Variants in SLC35B3 observed in about 807,000 individuals in gnomAD.
The protein encoded by SLC35B3 is solute carrier family 35 member B3.
SLC35B3 carries 35 observed loss-of-function variants against 44.1 expected under a neutral mutation model. The ratio of observed to expected loss-of-function variants is 0.79; its 90% confidence interval spans 0.61 to 1.05. The LOEUF is 1.05. SLC35B3 is among the 50% of genes least tolerant of loss of function. The probability of loss-of-function intolerance (pLI) is 0.00; values close to 1 mark genes in which losing one functional copy is unlikely to be tolerated. For synonymous variants in SLC35B3, 146 were observed against 167.3 expected, an observed-to-expected ratio of 0.87 and a Z score of 0.98; for missense variants, 414 against 476.4, an observed-to-expected ratio of 0.87 and a Z score of 1.22.
rs541750740 is a variant in SLC35B3, at chr6:8,433,589, T to A, written c.3+796A>T. On this transcript the variant is annotated intron_variant, in intron 2 of 10. Transcript: ENST00000644923. This position sits in a 1 kb window ranked among gnomAD's most constrained non-coding sequence, Gnocchi z 4.1. ...TTATGTGCTGCAGATCTAGGCCATA[T>A]GTGCAGAATGAAATCTCTCTAGCAC... 6.6e-6 allele frequency among the ~76,000 whole-genome samples: 1 copy of A among 152,312 alleles called. No homozygotes were observed. Among genetic ancestry groups the A allele is most frequent in the Middle Eastern group, 3.4e-3 (1 of 294 alleles).
intron 5 of SLC35B3, among the ~76,000 whole-genome samples, chr6:8,422,224 C>T (rs1320264832): frequency 1.3e-5 from 2 of 152,044 alleles, no homozygotes; most frequent in African/African-American, 2.4e-5. Context: ...AGGCTGGTCT[C>T]GAACTCCTGA....
Position 8,413,305 on chromosome 6 carries a change from C to T in SLC35B3, c.*244G>A. ...ATTCTCAATAAACTGCTAGGAATTA[C>T]AGTCCTTCATATTGACATTTTATTG... On this transcript the variant is annotated 3_prime_UTR_variant, in exon 11 of 11. Coordinates refer to ENST00000644923, the MANE Select transcript of SLC35B3 (RefSeq NM_001370476.2). 5.4e-6 allele frequency: 2 copies of T among 368,516 alleles called. No individual in the cohort carries two copies. Among genetic ancestry groups the T allele is most frequent in the East Asian group, 5.1e-5 (1 of 19,468 alleles). 22.8% of individuals were successfully genotyped at this position (368,516 alleles called of 1,614,324 possible).
At chr6:8,425,681 TAAAA>T (rs374026968) in intron 4 of SLC35B3, among the ~76,000 whole-genome samples, 2 of 151,146 alleles carry the variant, frequency 1.3e-5, no homozygotes, top group African/African-American at 4.9e-5. Flanking sequence ...ATTTTATGAT[TAAAA>T]AAAAAGCTGC....
In SLC35B3 at chr6:8,413,593, ATTTG is replaced by A. The variant is rs748374320; in HGVS notation, c.1158_1161del (p.Lys387GlnfsTer17). On this transcript the variant is annotated frameshift_variant, in exon 11 of 11. Transcript: ENST00000644923. LOFTEE classifies it high-confidence loss of function. ...GTCCTTGACTTTCTTGCTTCCACTGATTTGTTTATCAAATCATACAGTGATGGTA... is the reference window on the plus strand; with the variant it reads ...GTCCTTGACTTTCTTGCTTCCACTGATTTATCAAATCATACAGTGATGGTA... 24 of 1,609,462 alleles carry A rather than the reference ATTTG, an allele frequency of 1.5e-5. No homozygotes were observed. The highest frequency in any genetic ancestry group is 7.7e-5 in the South Asian group (7 of 90,694).
rs976638323 is a variant in SLC35B3 at position 8,413,209 on chromosome 6, C to T, written c.*340G>A. ...ATGAATATAAAACAATCTGCTATTA[C>T]GTATCGATTTCTTTGATAGGATATA... On this transcript the variant is annotated 3_prime_UTR_variant, in exon 11 of 11. Coordinates refer to ENST00000644923, the MANE Select transcript of SLC35B3 (RefSeq NM_001370476.2). The T allele has an allele frequency of 7.2e-5, 14 of 193,406 alleles. No homozygotes were observed. Among genetic ancestry groups the T allele is most frequent in the African/African-American group, 1.9e-4 (8 of 42,144 alleles). The allele number at this position is 193,406 out of a possible 1,614,324, so 12.0% of individuals were successfully genotyped here.
In SLC35B3 at chr6:8,430,122, T is replaced by TA. The variant is rs1255019896; in HGVS notation, c.38dup (p.Thr14AsnfsTer9). On this transcript the variant is annotated frameshift_variant, in exon 3 of 11. The change creates a premature stop within an existing upstream ORF in the 5' untranslated region. Transcript: ENST00000644923. LOFTEE classifies it high-confidence loss of function. ...TATTTTTGTTGGTTTCCTGGACTGT[T>TA]ATGTTCTGTATGTCTTTTGCTTGCT... 3.1e-6 allele frequency: 5 copies of TA among 1,601,802 alleles called. No individual in the cohort carries two copies. The Admixed American group carries it at 6.9e-5, about 22-fold the overall frequency.
intron 4 of SLC35B3, among the ~76,000 whole-genome samples, chr6:8,423,936 A>G (rs1763173877): frequency 6.6e-6 from 1 of 152,192 alleles, no homozygotes; most frequent in African/African-American, 2.4e-5. Context: ...CGCCAGGTAA[A>G]ATGATACAAG....
intron 10 of SLC35B3, among the ~76,000 whole-genome samples, chr6:8,413,987 C>T (rs545590183): frequency 6.6e-6 from 1 of 151,982 alleles, no homozygotes; most frequent in South Asian, 2.1e-4. Flanking sequence ...AAGTACAGTC[C>T]CCTACCAAAA....
intron 9 of SLC35B3, among the ~76,000 whole-genome samples, chr6:8,415,640 C>A (rs1431403047): frequency 6.6e-6 from 1 of 152,200 alleles, no homozygotes; most frequent in African/African-American, 2.4e-5. Context: ...TATTCCAAGA[C>A]TCTACAGTTC....
chr6:8,417,608 C>T (rs556264894), intron 7 of SLC35B3, 114 bp from the exon 7 acceptor site: 1 of 567,212 alleles, frequency 1.8e-6, no homozygotes, highest in East Asian at 3.2e-5. Flanking sequence ...TTAAAAGAAA[C>T]ATTATAATTT....
intron 2 of SLC35B3, among the ~76,000 whole-genome samples, chr6:8,431,176 A>T (rs1368271287): frequency 1.3e-5 from 2 of 152,230 alleles, no homozygotes; most frequent in Non-Finnish European, 2.9e-5. Context: ...AACTCCATGT[A>T]AAGACTGAGG....
Position 8,435,146 on chromosome 6 carries a change from G to C in SLC35B3, c.-44+197C>G, listed in dbSNP as rs752579078. 2.8e-5 allele frequency: 36 copies of C among 1,281,748 alleles called. No homozygotes were observed. The highest frequency in any genetic ancestry group is 4.6e-5 in the Admixed American group (2 of 43,096). 79.4% of individuals were successfully genotyped at this position (1,281,748 alleles called of 1,614,324 possible). A position where few individuals can be genotyped will look rare whatever the true frequency, so the allele number is the denominator to read the frequency against. ...CCGAGGGCGAAAAACGGGCGAGGAG[G>C]AACAGATGCTCCTCCCTGGAAACCG... On this transcript the variant is annotated intron_variant, in intron 1 of 10. Coordinates refer to ENST00000644923, the MANE Select transcript of SLC35B3 (RefSeq NM_001370476.2). The surrounding 1 kb of genome is among the most constrained non-coding windows in gnomAD (Gnocchi z 5.5).
chr6:8,416,423 A>G (rs1009963119), intron 9 of SLC35B3, among the ~76,000 whole-genome samples: 2 of 152,176 alleles, frequency 1.3e-5, no homozygotes, highest in Non-Finnish European at 2.9e-5. Flanking sequence ...CAGCAGGTGC[A>G]TAGTGCTTAT....
At chr6:8,426,260 A>G (rs1561758251) in intron 4 of SLC35B3, among the ~76,000 whole-genome samples, 1 of 152,214 alleles carries the variant, frequency 6.6e-6, no homozygotes, top group African/African-American at 2.4e-5. Context: ...GGAATGGGAC[A>G]CAGGTCTTAA....
rs935080908 is a variant in SLC35B3 at position 8,434,068 on chromosome 6, G to A, written c.3+317C>T. The stretch of plus-strand genomic sequence containing the variant: ...TATATATTTTAAAAATCACAGGTGT[G>A]TATAATTGCCTGAGGCCTCTTCCTA... On this transcript the variant is annotated intron_variant, in intron 2 of 10. Transcript: ENST00000644923. This position sits in a 1 kb window ranked among gnomAD's most constrained non-coding sequence, Gnocchi z 6.3. 6.7e-6 allele frequency among the ~76,000 whole-genome samples: 1 copy of A among 148,932 alleles called. No homozygotes were observed. The highest frequency in any genetic ancestry group is 6.8e-5 in the Admixed American group (1 of 14,692).
In SLC35B3 at chr6:8,434,287, G is replaced by GTC; in HGVS notation, c.3+97_3+98insGA. On this transcript the variant is annotated intron_variant, in intron 2 of 10. Transcript: ENST00000644923. The surrounding 1 kb of genome is among the most constrained non-coding windows in gnomAD (Gnocchi z 6.3). ...AAAAGTCCCACACCAAAAAAAGGTA[G>GTC]AATATGAAAAAAAAGTCATTACGGT... 2 of 1,158,422 alleles carry GTC rather than the reference G, an allele frequency of 1.7e-6. No homozygotes were observed. The highest frequency in any genetic ancestry group is 2.6e-5 in the South Asian group (2 of 76,760). 71.8% of individuals were successfully genotyped at this position (1,158,422 alleles called of 1,614,324 possible).
At position 8,420,328 on chromosome 6, in the gene SLC35B3, T is replaced by G. The variant is rs1762781964; in HGVS notation, c.682+393A>C. On this transcript the variant is annotated intron_variant, in intron 6 of 10. Transcript: ENST00000644923. This position sits in a 1 kb window ranked among gnomAD's most constrained non-coding sequence, Gnocchi z 4.4. ...TATTCACAGTGGTTTTACCCACACC[T>G]CATTCAATAGTGATTTTATTGCTTG... 6.6e-6 allele frequency among the ~76,000 whole-genome samples: 1 copy of G among 152,182 alleles called. No individual in the cohort carries two copies. The highest frequency in any genetic ancestry group is 2.4e-5 in the African/African-American group (1 of 41,452).
chr6:8,413,469 GT>G lies in SLC35B3; in HGVS notation c.*79del. On this transcript the variant is annotated 3_prime_UTR_variant, in exon 11 of 11. Coordinates refer to ENST00000644923, the MANE Select transcript of SLC35B3 (RefSeq NM_001370476.2). The stretch of plus-strand genomic sequence containing the variant: ...GATAGCAATGCCTCCAGATCCTTTG[GT>G]TTTTATCAGTCCCTTTGGAAAGTTA... The G allele has an allele frequency of 1.5e-6, 2 of 1,317,272 alleles. No individual in the cohort carries two copies. Among genetic ancestry groups the G allele is most frequent in the South Asian group, 2.8e-5 (2 of 72,034 alleles). 81.6% of individuals were successfully genotyped at this position (1,317,272 alleles called of 1,614,324 possible).
Position 8,433,952 on chromosome 6 carries a change from C to T in SLC35B3, c.3+433G>A, listed in dbSNP as rs1242076901. ...TGTGATGCAAGGAGCAAAAATGAAG[C>T]ATGGAATTAAAATTAGTTTTCAGAC... On this transcript the variant is annotated intron_variant, in intron 2 of 10. Coordinates refer to ENST00000644923, the MANE Select transcript of SLC35B3 (RefSeq NM_001370476.2). This position sits in a 1 kb window ranked among gnomAD's most constrained non-coding sequence, Gnocchi z 4.1. 6.6e-6 allele frequency among the ~76,000 whole-genome samples: 1 copy of T among 150,474 alleles called. No individual in the cohort carries two copies. The highest frequency in any genetic ancestry group is 1.5e-5 in the Non-Finnish European group (1 of 67,798).
Sources: allele counts gnomAD v4.1 joint callset (sites outside exome capture counted in the v4.1 genomes callset), GRCh38; gene constraint gnomAD v4.1.1; non-coding constraint Gnocchi (gnomAD v3.1); transcripts MANE v1.5; gene names NCBI Gene and HGNC (gene_info 2026-07-23, HGNC 2026-07-21).